FXR1: variants seen among roughly 807,000 people sequenced by gnomAD.
FXR1 encodes FMR1 autosomal homolog 1, also known as RNA-binding protein FXR1.
FXR1 carries 15 observed loss-of-function variants against 84.0 expected under a neutral mutation model. The observed-to-expected ratio is 0.18, with a 90% confidence interval of 0.12 to 0.27. The LOEUF is 0.27. FXR1 is among the 10% of genes least tolerant of loss of function. The probability of loss-of-function intolerance (pLI) is 1.00; values close to 1 mark genes in which losing one functional copy is unlikely to be tolerated. For missense variants in FXR1, 480 were observed against 774.4 expected (o/e 0.62, Z 4.51); for synonymous variants, 245 against 250.7 (o/e 0.98, Z 0.21).
chr3:180,946,661 A>G (rs986504198), intron 3 of FXR1, among the ~76,000 whole-genome samples: 1 of 152,186 alleles, frequency 6.6e-6, no homozygotes, highest in Non-Finnish European at 1.5e-5. Context: ...GATAAAGTTC[A>G]TTAGTAGGTT....
intron 3 of FXR1, among the ~76,000 whole-genome samples, chr3:180,939,336 A>C (rs967939978): frequency 1.3e-5 from 2 of 152,130 alleles, no homozygotes; most frequent in Non-Finnish European, 2.9e-5. Context: ...TTTTTTGGTC[A>C]ATAAACACTT....
At chr3:180,929,968 G>A (rs1156803458) in intron 1 of FXR1, among the ~76,000 whole-genome samples, 1 of 152,188 alleles carries the variant, frequency 6.6e-6, no homozygotes, top group Admixed American at 6.5e-5. Context: ...CTAGCAATAA[G>A]AGTAGATGCT....
chr3:180,968,641 A>G (rs541092790), intron 14 of FXR1, among the ~76,000 whole-genome samples: 1 of 152,282 alleles, frequency 6.6e-6, no homozygotes, highest in Admixed American at 6.5e-5. Context: ...ACTTTTCTAT[A>G]CTTAATATTG....
At chr3:180,927,976 T>G (rs2108436112) in intron 1 of FXR1, among the ~76,000 whole-genome samples, 1 of 152,238 alleles carries the variant, frequency 6.6e-6, no homozygotes, top group South Asian at 2.1e-4. Context: ...AGCTTCTGGG[T>G]AGTATACTTT....
chr3:180,955,059 A>G (rs539864735), intron 9 of FXR1, among the ~76,000 whole-genome samples: 10 of 150,504 alleles, frequency 6.6e-5, no homozygotes, highest in South Asian at 2.1e-4. Context: ...CAGCGATGCA[A>G]TCTCGGCTCA....
At chr3:180,935,848 C>T (rs1370320423) in intron 3 of FXR1, among the ~76,000 whole-genome samples, 1 of 152,230 alleles carries the variant, frequency 6.6e-6, no homozygotes, top group African/African-American at 2.4e-5. Flanking sequence ...GATGGGATTA[C>T]AGGCGTGAGC....
In FXR1 at chr3:180,963,100, A is replaced by AT; in HGVS notation, c.1198+10_1198+11insT. 1.9e-5 allele frequency: 24 copies of AT among 1,278,618 alleles called. No homozygotes were observed. Among genetic ancestry groups the AT allele is most frequent in the South Asian group, 2.6e-5 (2 of 76,672 alleles). The allele number at this position is 1,278,618 out of a possible 1,614,324, so 79.2% of individuals were successfully genotyped here. A position where few individuals can be genotyped will look rare whatever the true frequency, so the allele number is the denominator to read the frequency against. ...TACACCTCCGGTTATGGTAAAAAAA[A>AT]ATTTTTTTTTTTTTTTTTTGGTAAT... On this transcript the variant is annotated intron_variant, in intron 13 of 16. Transcript: ENST00000357559.
chr3:180,948,062 G>T, intron 4 of FXR1, 126 bp downstream of exon 4: 1 of 645,664 alleles, frequency 1.5e-6, no homozygotes, highest in South Asian at 2.1e-5. Context: ...TAGTTGATCA[G>T]ACATTTCCAT....
At position 180,953,848 on chromosome 3, in the gene FXR1, C is replaced by CT; in HGVS notation, c.880+12dup. On this transcript the variant is annotated intron_variant, in intron 9 of 16. Coordinates refer to ENST00000357559, the MANE Select transcript of FXR1 (RefSeq NM_005087.4). ...TTCCTAGGAATCTCGTTGGTAGGTA[C>CT]TTTTACTAAATGTTAAATAAGTTAA... 2.2e-6 allele frequency: 3 copies of CT among 1,379,876 alleles called. No individual in the cohort carries two copies. Among genetic ancestry groups the CT allele is most frequent in the Non-Finnish European group, 3.1e-6 (3 of 974,230 alleles). The allele number at this position is 1,379,876 out of a possible 1,614,324, so 85.5% of individuals were successfully genotyped here.
At chr3:180,942,654 C>T (rs1721261639) in intron 3 of FXR1, among the ~76,000 whole-genome samples, 4 of 152,082 alleles carry the variant, frequency 2.6e-5, no homozygotes, top group African/African-American at 9.7e-5. Flanking sequence ...TGTTTTTAGG[C>T]TTCTCATCAT....
chr3:180,958,762 C>T (rs1447525873), intron 10 of FXR1, among the ~76,000 whole-genome samples: 1 of 151,240 alleles, frequency 6.6e-6, no homozygotes, highest in Non-Finnish European at 1.5e-5. Context: ...TAATTGAAAT[C>T]CCCTTACACT....
At position 180,933,373 on chromosome 3, in the gene FXR1, GT is replaced by G; in HGVS notation, c.96del (p.Phe32LeufsTer24). ...KDVHEDSLTV[V>X]FENNWQPERQ... Reference sequence around the variant, plus strand: ...TGTTCATGAAGACTCCCTTACAGTTGTTTTTGAAAATAAGTAAGTTATTTTT... The same window carrying G: ...TGTTCATGAAGACTCCCTTACAGTTGTTTTGAAAATAAGTAAGTTATTTTT... On this transcript the variant is annotated frameshift_variant, in exon 2 of 17. Transcript: ENST00000357559. LOFTEE classifies it high-confidence loss of function. The G allele has an allele frequency of 1.3e-6, 2 of 1,567,692 alleles. No homozygotes were observed. The highest frequency in any genetic ancestry group is 1.4e-5 in the African/African-American group (1 of 74,028).
intron 1 of FXR1, among the ~76,000 whole-genome samples, chr3:180,921,241 G>T (rs1004078949): frequency 2.6e-5 from 4 of 151,934 alleles, no homozygotes; most frequent in Admixed American, 1.3e-4. Flanking sequence ...GGTGGCTGGT[G>T]CCTGTAATCC....
chr3:180,951,791 C>T (rs1031091596), intron 8 of FXR1, among the ~76,000 whole-genome samples: 2 of 152,202 alleles, frequency 1.3e-5, no homozygotes, highest in African/African-American at 4.8e-5. Flanking sequence ...GTGCCAGGCA[C>T]TGGCAGGAGT....
chr3:180,961,209 A>T (rs1712051924), intron 10 of FXR1, among the ~76,000 whole-genome samples: 1 of 151,952 alleles, frequency 6.6e-6, no homozygotes, highest in Non-Finnish European at 1.5e-5. Context: ...TTGTGGTGAC[A>T]CGCATCTATA....
intron 1 of FXR1, among the ~76,000 whole-genome samples, chr3:180,915,247 G>C (rs912399085): frequency 1.3e-5 from 2 of 151,998 alleles, no homozygotes; most frequent in African/African-American, 4.8e-5. Flanking sequence ...GATAAATGCT[G>C]ACAATTATCA....
chr3:180,948,672 G>A, intron 5 of FXR1, 49 bp from the exon 6 acceptor site: 2 of 1,055,702 alleles, frequency 1.9e-6, no homozygotes, highest in Non-Finnish European at 2.9e-6. Context: ...ACTCTCCTCT[G>A]ACTTTAATCT....
chr3:180,973,621 T>TATAA lies in FXR1; in HGVS notation c.1604-1688_1604-1685dup, dbSNP rs1204498177. Among the ~76,000 whole-genome samples the TATAA allele has an allele frequency of 4.6e-5, 7 of 152,230 alleles. No homozygotes were observed. In the East Asian group the frequency reaches 1.3e-3, roughly 29 times the overall value. ...TATTGTAAACTCTTTTTAATGTAGT[T>TATAA]ATAAATATATTAGCAATGAATTTAA... On this transcript the variant is annotated intron_variant, in intron 15 of 16. Transcript: ENST00000357559.
At chr3:180,913,155 C>A (rs966616207) in intron 1 of FXR1, among the ~76,000 whole-genome samples, 1 of 152,096 alleles carries the variant, frequency 6.6e-6, no homozygotes, top group African/African-American at 2.4e-5. Flanking sequence ...CGGGCGGGAG[C>A]TCCTCAGCCC....
Sources: gnomAD v4.1 joint callset for allele counts (sites outside exome capture counted in the v4.1 genomes callset) on GRCh38, gnomAD v4.1.1 for gene constraint, MANE v1.5 for transcripts, NCBI Gene and HGNC (gene_info 2026-07-23, HGNC 2026-07-21) for gene names.